Variants in ZBTB20 observed in about 807,000 individuals in gnomAD.
The protein encoded by ZBTB20 is zinc finger and BTB domain containing 20.
In ZBTB20, 9 loss-of-function variants were observed where a neutral mutation model predicts 56.9. The ratio of observed to expected loss-of-function variants is 0.16; its 90% CI spans 0.10 to 0.28. The LOEUF is 0.28. ZBTB20 is among the 10% of genes least tolerant of loss of function. The pLI, the probability that ZBTB20 is intolerant of heterozygous loss-of-function variation, is 1.00. For missense variants in ZBTB20, 655 were observed against 1,003.0 expected (o/e 0.65, Z 4.69); for synonymous variants, 417 against 420.7 (o/e 0.99, Z 0.11).
intron 6 of ZBTB20, among the ~76,000 whole-genome samples, chr3:114,677,404 C>T (rs767342651): frequency 1.3e-5 from 2 of 152,166 alleles, no homozygotes; most frequent in Non-Finnish European, 1.5e-5. Context: ...AGCATTACTG[C>T]CTGAGCTCTG....
At chr3:115,026,658 T>C (rs2080438634) in intron 2 of ZBTB20, among the ~76,000 whole-genome samples, 1 of 150,848 alleles carries the variant, frequency 6.6e-6, no homozygotes, top group African/African-American at 2.4e-5. Context: ...GACTTCAATG[T>C]CTTCTCTGCT....
chr3:114,449,431 G>C (rs1167436524), intron 7 of ZBTB20, among the ~76,000 whole-genome samples: 2 of 152,094 alleles, frequency 1.3e-5, no homozygotes, highest in East Asian at 3.9e-4. Flanking sequence ...AAGCCTGAGA[G>C]GGTCATCGCA....
At chr3:114,772,646 G>A (rs1315916272) in intron 5 of ZBTB20, among the ~76,000 whole-genome samples, 3 of 152,038 alleles carry the variant, frequency 2.0e-5, no homozygotes, top group Non-Finnish European at 2.9e-5. Flanking sequence ...TTTAGAAGGT[G>A]AGAATTCATA....
intron 10 of ZBTB20, among the ~76,000 whole-genome samples, chr3:114,376,776 G>T (rs2083684969): frequency 6.6e-6 from 1 of 152,328 alleles, no homozygotes; most frequent in African/African-American, 2.4e-5. Flanking sequence ...GTCTGATGAG[G>T]CCGGTATAAA....
intron 1 of ZBTB20, among the ~76,000 whole-genome samples, chr3:115,114,397 C>T (rs577105448): frequency 1.3e-5 from 2 of 152,106 alleles, no homozygotes; most frequent in South Asian, 2.1e-4. Flanking sequence ...GTGCTTACTA[C>T]ATCAAAATAA....
chr3:114,762,796 C>T (rs1363108390), intron 5 of ZBTB20, among the ~76,000 whole-genome samples: 1 of 152,144 alleles, frequency 6.6e-6, no homozygotes, highest in East Asian at 1.9e-4. Flanking sequence ...AAGACAACTT[C>T]ACGTACTCTT....
At chr3:114,652,977 T>C (rs2060211233) in intron 6 of ZBTB20, among the ~76,000 whole-genome samples, 1 of 151,982 alleles carries the variant, frequency 6.6e-6, no homozygotes, top group Non-Finnish European at 1.5e-5. Context: ...CAATCAATTT[T>C]TGTATATTGA....
chr3:114,870,553 A>G lies in ZBTB20; in HGVS notation c.-417+29751T>C, dbSNP rs114252477. 7.8e-3 allele frequency among the ~76,000 whole-genome samples: 1,191 copies of G among 151,832 alleles called. 13 individuals are homozygous for G. Among genetic ancestry groups the G allele is most frequent in the African/African-American group, 0.026 (1,078 of 41,404 alleles). ...GACTGAAAATTCTGAGCCTTGCTTC[A>G]GTGGTGATGGTGGTGGGAATGTGGG... On this transcript the variant is annotated intron_variant, in intron 4 of 11. Transcript: ENST00000675478.
chr3:114,776,386 T>G (rs2069610135), intron 5 of ZBTB20, among the ~76,000 whole-genome samples: 1 of 152,180 alleles, frequency 6.6e-6, no homozygotes, highest in South Asian at 2.1e-4. Flanking sequence ...AGATTCCACA[T>G]GGACAGAAGA....
intron 1 of ZBTB20, among the ~76,000 whole-genome samples, chr3:115,138,387 A>G (rs1297304844): frequency 6.6e-6 from 1 of 152,090 alleles, no homozygotes; most frequent in Non-Finnish European, 1.5e-5. Flanking sequence ...GAAGAGTTAT[A>G]TTTTAAAAAG....
chr3:114,693,668 C>T (rs567041185), intron 5 of ZBTB20, 93 bp from the exon 6 acceptor site: 23 of 152,196 alleles, frequency 1.5e-4, no homozygotes, highest in African/African-American at 3.9e-4. Context: ...ATTTATTCCT[C>T]ACTTTGGGAT....
intron 4 of ZBTB20, among the ~76,000 whole-genome samples, chr3:114,878,159 A>G (rs2076265270): frequency 6.6e-6 from 1 of 152,044 alleles, no homozygotes. Flanking sequence ...CCTCTATTAT[A>G]TTTGATAGAT....
chr3:114,340,604 T>G (rs1161233186), intron 11 of ZBTB20, among the ~76,000 whole-genome samples: 1 of 152,166 alleles, frequency 6.6e-6, no homozygotes, highest in Non-Finnish European at 1.5e-5. Context: ...TTTAAGATGA[T>G]TACTTAAAGA....
chr3:114,928,628 A>G (rs2076245612), intron 3 of ZBTB20, among the ~76,000 whole-genome samples: 1 of 152,254 alleles, frequency 6.6e-6, no homozygotes. Context: ...AATCTCAAGC[A>G]AATCATCAAC....
At chr3:114,760,381 C>T (rs2068348889) in intron 5 of ZBTB20, among the ~76,000 whole-genome samples, 1 of 152,112 alleles carries the variant, frequency 6.6e-6, no homozygotes, top group Non-Finnish European at 1.5e-5. Context: ...AGAGCAATGA[C>T]ACAAATATAC....
At chr3:114,597,071 C>T (rs1184005168) in intron 6 of ZBTB20, among the ~76,000 whole-genome samples, 1 of 152,096 alleles carries the variant, frequency 6.6e-6, no homozygotes, top group Non-Finnish European at 1.5e-5. Context: ...GGCCCACAGG[C>T]ACAGATAAGC....
chr3:114,651,250 G>A (rs888015899), intron 6 of ZBTB20, among the ~76,000 whole-genome samples: 2 of 152,064 alleles, frequency 1.3e-5, no homozygotes, highest in Non-Finnish European at 2.9e-5. Flanking sequence ...TCAGACTTGG[G>A]CAGTATTTGT....
Position 114,747,940 on chromosome 3 carries a change from A to AC in ZBTB20, c.-343+53160_-343+53161insG, listed in dbSNP as rs2067182460. Among the ~76,000 whole-genome samples the AC allele has an allele frequency of 1.4e-3, 3 of 2,098 alleles. 1 individual carries two copies. Among genetic ancestry groups the AC allele is most frequent in the African/African-American group, 1.5e-3 (3 of 2,066 alleles). 1.4% of individuals were successfully genotyped at this position (2,098 alleles called of 152,430 possible). On this transcript the variant is annotated intron_variant, in intron 5 of 11. Coordinates refer to ENST00000675478, the MANE Select transcript of ZBTB20 (RefSeq NM_001348800.3). ...TCAAAAAAAAAAAAAAAAAAAAAAA[A>AC]AAAAAAAAAACCAAGATTGAGAGCA...
intron 1 of ZBTB20, among the ~76,000 whole-genome samples, chr3:115,129,511 C>A (rs918852768): frequency 6.6e-6 from 1 of 152,172 alleles, no homozygotes; most frequent in Non-Finnish European, 1.5e-5. Context: ...TGGCCAATGG[C>A]AAATTAGGTG....
Sources: allele counts gnomAD v4.1 joint callset (sites outside exome capture counted in the v4.1 genomes callset), GRCh38; gene constraint gnomAD v4.1.1; transcripts MANE v1.5; gene names NCBI Gene and HGNC (gene_info 2026-07-23, HGNC 2026-07-21).